FLYWCH1: variants seen among roughly 807,000 people sequenced by gnomAD.
FLYWCH1 encodes the protein FLYWCH-type zinc finger 1.
A neutral mutation model predicts 66.4 loss-of-function variants in FLYWCH1; 75 were observed. That is an observed-to-expected ratio of 1.13 (90% CI 0.94 to 1.37). The LOEUF is 1.37. Ranked by LOEUF, FLYWCH1 falls within the 40% of genes most tolerant of loss-of-function variation. The probability of loss-of-function intolerance (pLI) is 0.00; values close to 1 mark genes in which losing one functional copy is unlikely to be tolerated. For synonymous variants in FLYWCH1, 595 were observed against 429.9 expected, an observed-to-expected ratio of 1.38 and a Z score of -4.75; for missense variants, 1,334 against 1,001.8, an observed-to-expected ratio of 1.33 and a Z score of -4.48.
Position 2,920,927 on chromosome 16 carries a change from T to C in FLYWCH1, c.-74+6638T>C, listed in dbSNP as rs967831003. Among the ~76,000 whole-genome samples the C allele has an allele frequency of 2.0e-4, 29 of 146,364 alleles. 1 individual carries two copies. In the South Asian group the frequency reaches 5.5e-3, roughly 28 times the overall value. On this transcript the variant is annotated intron_variant, in intron 2 of 9. Transcript: ENST00000253928. ...CGCGATCTCAGCTCACTGCAACCTC[T>C]GCCTCCCGGGTTCAAGCGATTCTTC... is the stretch of plus-strand genomic sequence containing the variant.
rs748148152 is a variant in FLYWCH1, at chr16:2,933,984, C to G, written c.1513+5C>G. Reference sequence around the variant, plus strand: ...CGGCGCAGCGGGGGAGCCCAGGTACCTGGGGGTGGGCTGGGAGCTGGGCCC... The same window carrying G: ...CGGCGCAGCGGGGGAGCCCAGGTACGTGGGGGTGGGCTGGGAGCTGGGCCC... On this transcript the variant is annotated splice_donor_5th_base_variant and intron_variant, in intron 6 of 9. Coordinates refer to ENST00000253928, the MANE Select transcript of FLYWCH1 (RefSeq NM_001308068.2). The G allele has an allele frequency of 2.0e-6, 3 of 1,519,856 alleles. No homozygotes were observed. The highest frequency in any genetic ancestry group is 2.7e-6 in the Non-Finnish European group (3 of 1,131,288). The allele number at this position is 1,519,856 out of a possible 1,614,324, so 94.1% of individuals were successfully genotyped here. A position where few individuals can be genotyped will look rare whatever the true frequency, so the allele number is the denominator to read the frequency against.
At chr16:2,930,308 G>T in intron 3 of FLYWCH1, 102 bp from the exon 4 acceptor site, 1 of 719,082 alleles carries the variant, frequency 1.4e-6, no homozygotes, top group Non-Finnish European at 2.3e-6. Context: ...GGAGGAGAAG[G>T]CACCTGCCAT....
Position 2,933,140 on chromosome 16 carries a change from G to A in FLYWCH1, c.807G>A (p.Arg269=). Residue 269 remains arginine, a synonymous_variant, in exon 5 of 10, where the codon CGG becomes CGA. Coordinates refer to ENST00000253928, the MANE Select transcript of FLYWCH1 (RefSeq NM_001308068.2). ...KRSILGLGQA[R]PLEFLRTCYG... Reference sequence around the variant, plus strand: ...GGGTCTCTCCTCTAGGACAGGCCCGGCCCCTCGAGTTCCTGAGGACGTGCT... The same window carrying A: ...GGGTCTCTCCTCTAGGACAGGCCCGACCCCTCGAGTTCCTGAGGACGTGCT... The A allele has an allele frequency of 6.2e-7, 1 of 1,613,224 alleles. No individual in the cohort carries two copies. The highest frequency in any genetic ancestry group is 8.5e-7 in the Non-Finnish European group (1 of 1,179,602).
chr16:2,933,450 C>T lies in FLYWCH1; in HGVS notation c.1117C>T (p.Leu373Phe). 2 of 1,601,244 alleles carry T rather than the reference C, an allele frequency of 1.2e-6. No homozygotes were observed. Among genetic ancestry groups the T allele is most frequent in the Non-Finnish European group, 1.7e-6 (2 of 1,174,828 alleles). ...GCTGCTCCGAGGCGTGGATAGTTTG[C>T]TCTACCGCAGGGGTCCGGGTCCCCT... ...DTLLRGVDSL[L>F]YRRGPGPLTL... is the part of the protein sequence containing the mutation. Residue 373 changes from leucine (L) to phenylalanine (F), a missense_variant, in exon 5 of 10, where the codon CTC becomes TTC. Coordinates refer to ENST00000253928, the MANE Select transcript of FLYWCH1 (RefSeq NM_001308068.2).
At chr16:2,914,594 C>G (rs1227317465) in intron 2 of FLYWCH1, among the ~76,000 whole-genome samples, 1 of 152,160 alleles carries the variant, frequency 6.6e-6, no homozygotes, top group African/African-American at 2.4e-5. Context: ...GCTCCATTCA[C>G]TTAAGAAATC....
At chr16:2,948,661 A>G in intron 9 of FLYWCH1, 27 bp from the exon 10 acceptor site, 1 of 1,611,410 alleles carries the variant, frequency 6.2e-7, no homozygotes. Context: ...TGATGTGTGC[A>G]ATGAACATGT....
intron 7 of FLYWCH1, among the ~76,000 whole-genome samples, chr16:2,937,964 C>G (rs1374332422): frequency 6.6e-6 from 1 of 152,124 alleles, no homozygotes; most frequent in Non-Finnish European, 1.5e-5. Flanking sequence ...CAGTGCTTGC[C>G]AGGCCACGTG....
chr16:2,940,440 C>T (rs78589158), intron 9 of FLYWCH1, among the ~76,000 whole-genome samples: 7,198 of 152,230 alleles, frequency 0.047, 246 homozygotes, highest in Middle Eastern at 0.092. Flanking sequence ...AGCAAGAGTC[C>T]ATTATTTTAT....
chr16:2,925,427 C>CGGTCCCACCG (rs1309164405), intron 2 of FLYWCH1, among the ~76,000 whole-genome samples: 4 of 152,100 alleles, frequency 2.6e-5, no homozygotes, highest in Admixed American at 2.6e-4. Context: ...CGGTCCCACC[C>CGGTCCCACCG]GGTCCCACCC....
intron 9 of FLYWCH1, among the ~76,000 whole-genome samples, chr16:2,946,817 C>T (rs901695241): frequency 2.0e-5 from 3 of 152,140 alleles, no homozygotes; most frequent in African/African-American, 7.2e-5. Flanking sequence ...ACTTCACACC[C>T]ACTGGGATGG....
intron 2 of FLYWCH1, among the ~76,000 whole-genome samples, chr16:2,922,074 TC>T (rs1270217970): frequency 6.6e-6 from 1 of 152,080 alleles, no homozygotes; most frequent in African/African-American, 2.4e-5. Context: ...AAAGAATCCA[TC>T]TTAAATGGGT....
At chr16:2,948,658 T>G (rs764160002) in intron 9 of FLYWCH1, 30 bp from the exon 10 acceptor site, 1 of 1,610,094 alleles carries the variant, frequency 6.2e-7, no homozygotes, top group Non-Finnish European at 8.5e-7. Context: ...TTTTGATGTG[T>G]GCAATGAACA....
Position 2,933,418 on chromosome 16 carries a change from T to C in FLYWCH1, c.1085T>C (p.Val362Ala). 1.9e-6 allele frequency: 3 copies of C among 1,601,468 alleles called. No individual in the cohort carries two copies. Among genetic ancestry groups the C allele is most frequent in the Non-Finnish European group, 2.6e-6 (3 of 1,174,792 alleles). ...GGGCAGGACGGCCCTGGGAGCCAAG[T>C]GGACACGCTGCTCCGAGGCGTGGAT... ...QAGQDGPGSQ[V>A]DTLLRGVDSL... Residue 362 changes from valine to alanine, a missense_variant, in exon 5 of 10, where the codon GTG becomes GCG. By Grantham distance (64) the Val-to-Ala change is moderately conservative (BLOSUM62 0). Coordinates refer to ENST00000253928, the MANE Select transcript of FLYWCH1 (RefSeq NM_001308068.2).
At chr16:2,948,458 G>C (rs2071574441) in intron 9 of FLYWCH1, among the ~76,000 whole-genome samples, 1 of 152,088 alleles carries the variant, frequency 6.6e-6, no homozygotes, top group African/African-American at 2.4e-5. Flanking sequence ...AGCTACTCAG[G>C]AGGCTGAGGT....
At chr16:2,935,549 T>G (rs569192691) in intron 6 of FLYWCH1, 1 of 152,176 alleles carries the variant, frequency 6.6e-6, no homozygotes. Flanking sequence ...AAGTCCTGCC[T>G]CCCGTCGTTT....
Position 2,930,525 on chromosome 16 carries a change from C to T in FLYWCH1, c.441C>T (p.Cys147=). Residue 147 remains cysteine (C), a synonymous_variant, in exon 4 of 10, where the codon TGC becomes TGT. Transcript: ENST00000253928. ...KAVGDKVYWK[C]RQHAELGCRG... ...TGGGGGACAAGGTGTACTGGAAGTG[C>T]CGCCAACATGCTGAGCTGGGCTGCC... The T allele has an allele frequency of 4.5e-6, 7 of 1,544,518 alleles. No homozygotes were observed. The highest frequency in any genetic ancestry group is 5.2e-6 in the Non-Finnish European group (6 of 1,150,140).
chr16:2,948,880 A>C lies in FLYWCH1; in HGVS notation c.*153A>C, dbSNP rs146422571. On this transcript the variant is annotated 3_prime_UTR_variant, in exon 10 of 10. Transcript: ENST00000253928. ...TTCGCGTCTCCTCAGGAGGTCTCCC[A>C]GGAGGAATTCTTGGATGGTGTCCTC... The C allele has an allele frequency of 3.1e-6, 2 of 651,378 alleles. No individual in the cohort carries two copies. The highest frequency in any genetic ancestry group is 5.3e-6 in the Non-Finnish European group (2 of 374,064). 40.3% of individuals were successfully genotyped at this position (651,378 alleles called of 1,614,324 possible). A position where few individuals can be genotyped will look rare whatever the true frequency, so the allele number is the denominator to read the frequency against.
At chr16:2,945,824 C>T (rs1596405793) in intron 9 of FLYWCH1, among the ~76,000 whole-genome samples, 1 of 151,830 alleles carries the variant, frequency 6.6e-6, no homozygotes, top group East Asian at 1.9e-4. Context: ...GGTGAAATCC[C>T]ATCTCTACTA....
chr16:2,944,145 G>A (rs946521610), intron 9 of FLYWCH1, among the ~76,000 whole-genome samples: 1 of 152,048 alleles, frequency 6.6e-6, no homozygotes, highest in Admixed American at 6.6e-5. Flanking sequence ...CCAGCACTCT[G>A]GGAGGCTGAG....
Sources: allele counts gnomAD v4.1 joint callset (sites outside exome capture counted in the v4.1 genomes callset), GRCh38; gene constraint gnomAD v4.1.1; transcripts MANE v1.5; gene names NCBI Gene and HGNC (gene_info 2026-07-23, HGNC 2026-07-21).